SNX29: variants seen among roughly 807,000 people sequenced by gnomAD.
SNX29 encodes sorting nexin 29.
Under a neutral mutation model 102.1 loss-of-function variants are expected in SNX29, and 78 were observed. That is an observed-to-expected ratio of 0.76 (90% CI 0.64 to 0.92). SNX29 has a LOEUF of 0.92. Ranked by LOEUF, SNX29 falls within the 40% of genes least tolerant of loss-of-function variation. SNX29 has a pLI of 0.00. For missense variants in SNX29, 1,280 were observed against 1,061.7 expected, an observed-to-expected ratio of 1.21 and a Z score of -2.86; for synonymous variants, 580 against 414.5, an observed-to-expected ratio of 1.40 and a Z score of -4.85.
At chr16:12,389,981 T>C (rs951044583) in intron 16 of SNX29, among the ~76,000 whole-genome samples, 2 of 152,202 alleles carry the variant, frequency 1.3e-5, no homozygotes, top group Non-Finnish European at 2.9e-5. Context: ...TTTCACCAAT[T>C]GGTTGAAAAT....
intron 1 of SNX29, among the ~76,000 whole-genome samples, chr16:11,980,404 T>C (rs796193736): frequency 5.9e-5 from 9 of 152,390 alleles, no homozygotes; most frequent in African/African-American, 2.2e-4. Context: ...TGTTTATTCA[T>C]GCATCAAAAA....
intron 20 of SNX29, chr16:12,527,406 G>C (rs540624269): frequency 1.0e-3 from 471 of 462,280 alleles, no homozygotes; most frequent in African/African-American, 8.0e-3. Flanking sequence ...AACCCCCAAA[G>C]CATAATTATT....
At chr16:12,174,409 A>G (rs2076215856) in intron 13 of SNX29, among the ~76,000 whole-genome samples, 1 of 152,210 alleles carries the variant, frequency 6.6e-6, no homozygotes, top group Non-Finnish European at 1.5e-5. Flanking sequence ...GGCAAGATAC[A>G]TCGTTTGAGA....
intron 20 of SNX29, among the ~76,000 whole-genome samples, chr16:12,565,717 T>A (rs55950589): frequency 6.6e-6 from 1 of 152,206 alleles, no homozygotes; most frequent in Non-Finnish European, 1.5e-5. Flanking sequence ...GGGCCGGGTC[T>A]GCCCGGCTAC....
intron 1 of SNX29, chr16:11,983,707 C>A (rs576379916): frequency 2.0e-6 from 2 of 985,170 alleles, no homozygotes; most frequent in African/African-American, 1.7e-5. Flanking sequence ...TTGCTTGACT[C>A]CAGGTAACTG....
chr16:12,235,062 GTC>G (rs1303231104), intron 14 of SNX29, among the ~76,000 whole-genome samples: 6 of 151,638 alleles, frequency 4.0e-5, no homozygotes, highest in African/African-American at 1.5e-4. Flanking sequence ...CTTGGAATCT[GTC>G]TCTGTCCTGC....
intron 13 of SNX29, among the ~76,000 whole-genome samples, chr16:12,170,012 C>A (rs962646722): frequency 2.6e-5 from 4 of 152,120 alleles, no homozygotes; most frequent in Non-Finnish European, 5.9e-5. Flanking sequence ...AGTTCTAGAT[C>A]GGGTTTCTTG....
At chr16:12,476,034 G>A (rs1567602584) in intron 18 of SNX29, among the ~76,000 whole-genome samples, 1 of 151,996 alleles carries the variant, frequency 6.6e-6, no homozygotes, top group African/African-American at 2.4e-5. Context: ...GATATATAGG[G>A]TGACAGCCAG....
At chr16:12,365,739 G>A (rs1597091972) in intron 16 of SNX29, among the ~76,000 whole-genome samples, 1 of 146,092 alleles carries the variant, frequency 6.8e-6, no homozygotes, top group Non-Finnish European at 1.5e-5. Flanking sequence ...AGAAGGCAGA[G>A]TTGCCCAAAA....
intron 16 of SNX29, among the ~76,000 whole-genome samples, chr16:12,381,841 C>T (rs574515446): frequency 6.8e-6 from 1 of 146,808 alleles, no homozygotes; most frequent in African/African-American, 2.5e-5. Context: ...ATCCACTCAC[C>T]CATTATCCAT....
At chr16:12,467,827 C>T (rs2087130938) in intron 18 of SNX29, among the ~76,000 whole-genome samples, 1 of 152,158 alleles carries the variant, frequency 6.6e-6, no homozygotes, top group Non-Finnish European at 1.5e-5. Flanking sequence ...CCTAGCATGC[C>T]AGATGGTGGT....
chr16:12,449,527 G>A (rs1309268778), intron 18 of SNX29, among the ~76,000 whole-genome samples: 1 of 152,142 alleles, frequency 6.6e-6, no homozygotes, highest in Admixed American at 6.5e-5. Flanking sequence ...AAGGGAATTT[G>A]TTACTCTCTG....
intron 15 of SNX29, among the ~76,000 whole-genome samples, chr16:12,299,294 C>T (rs1174704650): frequency 4.0e-5 from 6 of 151,086 alleles, no homozygotes; most frequent in Non-Finnish European, 7.4e-5. Flanking sequence ...AGTGAGACTC[C>T]GTCTCAAAAA....
At chr16:12,559,674 C>G (rs2078601650) in intron 20 of SNX29, among the ~76,000 whole-genome samples, 1 of 152,010 alleles carries the variant, frequency 6.6e-6, no homozygotes, top group Non-Finnish European at 1.5e-5. Flanking sequence ...TACCATGGGC[C>G]TGGGGCAGTA....
intron 18 of SNX29, 142 bp downstream of exon 18, chr16:12,403,671 C>A (rs1328227720): frequency 1.1e-5 from 9 of 798,284 alleles, no homozygotes. Flanking sequence ...CTTAACTGCC[C>A]AGAGGCCTTG....
At chr16:12,428,976 C>T (rs998116934) in intron 18 of SNX29, among the ~76,000 whole-genome samples, 6 of 152,242 alleles carry the variant, frequency 3.9e-5, no homozygotes, top group African/African-American at 9.6e-5. Flanking sequence ...GATACGATTG[C>T]GATTAATAGT....
chr16:12,513,476 T>A (rs924546754), intron 19 of SNX29, among the ~76,000 whole-genome samples: 4 of 152,092 alleles, frequency 2.6e-5, no homozygotes, highest in African/African-American at 9.6e-5. Context: ...TTCCCTTCCG[T>A]ACCCTTGCAA....
At chr16:12,416,932 TATC>T (rs35363042) in intron 18 of SNX29, among the ~76,000 whole-genome samples, 3,539 of 152,274 alleles carry the variant, frequency 0.023, 142 homozygotes, top group African/African-American at 0.08. Context: ...GGGACAAACA[TATC>T]AACCCCATAA....
rs770761001 is a variant in SNX29 at position 12,277,950 on chromosome 16, G to A, written c.1696G>A (p.Val566Ile). 4 of 1,608,338 alleles carry A rather than the reference G, an allele frequency of 2.5e-6. No individual in the cohort carries two copies. The highest frequency in any genetic ancestry group is 2.2e-5 in the South Asian group (2 of 89,408). Residue 566 changes from valine to isoleucine, a missense_variant, in exon 15 of 21, where the codon GTT (valine) becomes ATT (isoleucine). Val to Ile is a conservative substitution (Grantham distance 29). Transcript: ENST00000566228. ...QTAEVPNLWS[V>I]DGEVTVAEQK... is the part of the protein sequence containing the mutation. ...CTCTAAAGTGCCAAATCTTTGGAGT[G>A]TTGATGGAGAAGTTACAGTAGCTGA...
Sources: gnomAD v4.1 joint callset for allele counts (sites outside exome capture counted in the v4.1 genomes callset) on GRCh38, gnomAD v4.1.1 for gene constraint, MANE v1.5 for transcripts, NCBI Gene and HGNC (gene_info 2026-07-23, HGNC 2026-07-21) for gene names.